ELF1: variants seen among roughly 807,000 people sequenced by gnomAD.
The protein encoded by ELF1 is ETS-related transcription factor Elf-1.
A neutral mutation model predicts 59.9 loss-of-function variants in ELF1; 24 were observed. The observed-to-expected ratio is 0.40, with a 90% CI of 0.29 to 0.56. The LOEUF is 0.56. Among genes scored for constraint, ELF1 ranks in the 20% least tolerant of loss-of-function variants. The pLI, the probability that ELF1 is intolerant of heterozygous loss-of-function variation, is 0.44. For synonymous variants in ELF1, 248 were observed against 266.2 expected (o/e 0.93, Z 0.67); for missense variants, 627 against 742.2 (o/e 0.84, Z 1.80).
intron 1 of ELF1, among the ~76,000 whole-genome samples, chr13:41,008,968 T>A (rs554355178): frequency 5.3e-4 from 81 of 151,622 alleles, no homozygotes; most frequent in African/African-American, 1.7e-3. Flanking sequence ...CTTTTTTTTT[T>A]AAAAAAAACA....
At chr13:40,945,296 C>T (rs1157830185) in intron 5 of ELF1, among the ~76,000 whole-genome samples, 1 of 152,212 alleles carries the variant, frequency 6.6e-6, no homozygotes, top group East Asian at 1.9e-4. Context: ...TCTTCCTAAT[C>T]ATTCAAGGTG....
intron 1 of ELF1, among the ~76,000 whole-genome samples, chr13:41,041,237 A>G (rs561514147): frequency 8.9e-4 from 133 of 150,238 alleles, no homozygotes; most frequent in Non-Finnish European, 1.1e-3. Context: ...ACAGTAAGAA[A>G]AAAAGGATCA....
At position 41,008,040 on chromosome 13, in the gene ELF1, G is replaced by A. The variant is rs778039560; in HGVS notation, c.-229+11188C>T. On this transcript the variant is annotated intron_variant, in intron 1 of 8. Coordinates refer to ENST00000239882, the MANE Select transcript of ELF1 (RefSeq NM_172373.4). ...CTGGGCACTCACATTTTAAAAAGGC[G>A]ACTTCACTTAAGAATGTCTTTGAAG... Among the ~76,000 whole-genome samples, 7 of 152,286 alleles carry A rather than the reference G, an allele frequency of 4.6e-5. No individual in the cohort carries two copies. In the East Asian group the frequency reaches 7.7e-4, roughly 17 times the overall value.
chr13:41,041,185 A>G (rs987943014), intron 1 of ELF1, among the ~76,000 whole-genome samples: 1 of 151,784 alleles, frequency 6.6e-6, no homozygotes, highest in Non-Finnish European at 1.5e-5. Context: ...GAAGTACAAA[A>G]AGCAGCTAGA....
chr13:40,938,980 A>G lies in ELF1; in HGVS notation c.1256+1941T>C, dbSNP rs1264829749. Among the ~76,000 whole-genome samples the G allele has an allele frequency of 3.9e-5, 6 of 152,284 alleles. 1 individual carries two copies. Among genetic ancestry groups the G allele is most frequent in the African/African-American group, 1.4e-4 (6 of 41,570 alleles). ...ATTTTCCATAGTAAAAGGTTGGGTA[A>G]TTACAAAAATGCAAACAAAAAATAT... On this transcript the variant is annotated intron_variant, in intron 8 of 8. Transcript: ENST00000239882.
chr13:41,027,192 C>A (rs1465183817), intron 1 of ELF1, among the ~76,000 whole-genome samples: 1 of 152,234 alleles, frequency 6.6e-6, no homozygotes, highest in Non-Finnish European at 1.5e-5. Flanking sequence ...TTCGAAGGAA[C>A]ATAACCAGAA....
intron 1 of ELF1, among the ~76,000 whole-genome samples, chr13:41,026,420 C>T (rs1365111019): frequency 2.0e-5 from 3 of 152,108 alleles, no homozygotes; most frequent in South Asian, 4.2e-4. Context: ...TTGAGGGGGG[C>T]CCAGAATAGA....
Position 40,981,913 on chromosome 13 carries a change from A to C in ELF1, c.72+70T>G, listed in dbSNP as rs181090831. 2.5e-5 allele frequency: 38 copies of C among 1,516,500 alleles called. No individual in the cohort carries two copies. The Admixed American group carries it at 8.0e-4, about 32-fold the overall frequency. 93.9% of individuals were successfully genotyped at this position (1,516,500 alleles called of 1,614,324 possible). A position where few individuals can be genotyped will look rare whatever the true frequency, so the allele number is the denominator to read the frequency against. On this transcript the variant is annotated intron_variant, in intron 2 of 8. Transcript: ENST00000239882. ...TTTCTCTCATTGTCTTTTAAAGGAA[A>C]TAATTTTCTGATATGAATAGAAAAA... is the stretch of plus-strand genomic sequence containing the variant.
At chr13:41,011,411 T>A (rs1336910558) in intron 1 of ELF1, among the ~76,000 whole-genome samples, 1 of 152,146 alleles carries the variant, frequency 6.6e-6, no homozygotes, top group African/African-American at 2.4e-5. Flanking sequence ...AACACTTACA[T>A]CTGAATCTAC....
At chr13:40,991,638 C>A (rs1873858590) in intron 1 of ELF1, among the ~76,000 whole-genome samples, 2 of 151,186 alleles carry the variant, frequency 1.3e-5, no homozygotes, top group Admixed American at 1.3e-4. Flanking sequence ...AATCATACTA[C>A]CTTAATATTG....
upstream of ELF1, among the ~76,000 whole-genome samples, chr13:41,020,433 T>A (rs1344995816): frequency 6.6e-6 from 1 of 152,172 alleles, no homozygotes. Context: ...TTTAGTTAAT[T>A]AGTTGGGAGT....
intron 5 of ELF1, among the ~76,000 whole-genome samples, chr13:40,947,464 C>A (rs1438441850): frequency 6.6e-6 from 1 of 152,182 alleles, no homozygotes; most frequent in Non-Finnish European, 1.5e-5. Context: ...ATCACCTGAA[C>A]CCAAGAGGTG....
At chr13:41,034,482 A>T (rs1016550481) in intron 1 of ELF1, among the ~76,000 whole-genome samples, 1 of 152,182 alleles carries the variant, frequency 6.6e-6, no homozygotes, top group Non-Finnish European at 1.5e-5. Flanking sequence ...AATAAGTTTT[A>T]AAAAAATGCC....
chr13:41,013,817 T>C (rs1463242912), intron 1 of ELF1, among the ~76,000 whole-genome samples: 1 of 152,082 alleles, frequency 6.6e-6, no homozygotes, highest in Non-Finnish European at 1.5e-5. Flanking sequence ...TTCCATTTAG[T>C]ATTTTGATAT....
Position 40,940,907 on chromosome 13 carries a change from T to G in ELF1, c.1256+14A>C, listed in dbSNP as rs755306753. On this transcript the variant is annotated intron_variant, in intron 8 of 8. Coordinates refer to ENST00000239882, the MANE Select transcript of ELF1 (RefSeq NM_172373.4). ...ATATTGAAGTGATAAGCATCAGTAG[T>G]TTGGTTTTCTCACCTAATACTCTGA... is the stretch of plus-strand genomic sequence containing the variant. The G allele has an allele frequency of 3.4e-5, 55 of 1,596,816 alleles. No homozygotes were observed. In the Middle Eastern group the frequency reaches 5.0e-4, roughly 15 times the overall value.
chr13:41,010,262 AAAAG>A (rs1229856394), intron 1 of ELF1, among the ~76,000 whole-genome samples: 13 of 145,122 alleles, frequency 9.0e-5, no homozygotes, highest in Admixed American at 2.1e-4. Flanking sequence ...AATAAAATAA[AAAAG>A]AAAGAAAGAA....
At chr13:40,943,382 A>G (rs9315795) in intron 6 of ELF1, among the ~76,000 whole-genome samples, 79,919 of 152,054 alleles carry the variant, frequency 0.53, 24,664 homozygotes, top group Non-Finnish European at 0.68. Context: ...CAATCTTGTC[A>G]TAAGATTTGT....
intron 2 of ELF1, among the ~76,000 whole-genome samples, chr13:40,978,845 T>C (rs916049585): frequency 6.6e-6 from 1 of 151,122 alleles, no homozygotes; most frequent in African/African-American, 2.4e-5. Context: ...ACACTATTAG[T>C]AGTAGTAGAA....
intron 2 of ELF1, among the ~76,000 whole-genome samples, chr13:40,965,817 ACTG>A (rs1872142274): frequency 6.6e-6 from 1 of 152,188 alleles, no homozygotes; most frequent in Non-Finnish European, 1.5e-5. Flanking sequence ...ATTAAATTCT[ACTG>A]GTGCTTATCA....
Sources: allele counts gnomAD v4.1 joint callset (sites outside exome capture counted in the v4.1 genomes callset), GRCh38; gene constraint gnomAD v4.1.1; transcripts MANE v1.5; gene names NCBI Gene and HGNC (gene_info 2026-07-23, HGNC 2026-07-21).